STAT3: variants seen among roughly 807,000 people sequenced by gnomAD.
STAT3 encodes the protein DNA-binding protein APRF.
Under a neutral mutation model 114.3 loss-of-function variants are expected in STAT3, and 7 were observed. The ratio of observed to expected loss-of-function variants is 0.06; its 90% CI spans 0.03 to 0.11. STAT3 has a LOEUF of 0.11. Among genes scored for constraint, STAT3 ranks in the 10% least tolerant of loss-of-function variants. The probability of loss-of-function intolerance (pLI) is 1.00; values close to 1 mark genes in which losing one functional copy is unlikely to be tolerated. For synonymous variants in STAT3, 331 were observed against 354.5 expected (o/e 0.93, Z 0.74); for missense variants, 364 against 960.9 (o/e 0.38, Z 8.21).
At chr17:42,347,700 T>C in intron 2 of STAT3, among the ~76,000 whole-genome samples, 1 of 152,162 alleles carries the variant, frequency 6.6e-6, no homozygotes, top group East Asian at 1.9e-4. Context: ...TTTAATACCA[T>C]CCCTGTTGAT....
chr17:42,377,619 C>T (rs899088504), intron 1 of STAT3, among the ~76,000 whole-genome samples: 5 of 152,004 alleles, frequency 3.3e-5, no homozygotes, highest in Admixed American at 2.0e-4. Flanking sequence ...GGATAAGGTG[C>T]GGACTAACTT....
intron 1 of STAT3, among the ~76,000 whole-genome samples, chr17:42,386,109 G>A (rs534225890): frequency 9.2e-5 from 14 of 151,830 alleles, no homozygotes; most frequent in Middle Eastern, 3.4e-3. Flanking sequence ...GTAAAACCCC[G>A]GTCTCTACTA....
chr17:42,321,260 C>T (rs1043320886), intron 21 of STAT3, among the ~76,000 whole-genome samples: 2 of 151,360 alleles, frequency 1.3e-5, no homozygotes, highest in African/African-American at 4.9e-5. Context: ...GCTAGGACTA[C>T]AGGCACAAAC....
At position 42,337,590 on chromosome 17, in the gene STAT3, G is replaced by C; in HGVS notation, c.646-4C>G. ...CCGCCAGCTCACTCACGATGCTCTG[G>C]TTGGAAACCAAAACAAAGTCAGAAA... On this transcript the variant is annotated splice_region_variant and splice_polypyrimidine_tract_variant and intron_variant, in intron 7 of 23. Transcript: ENST00000264657. The surrounding 1 kb of genome is among the most constrained non-coding windows in gnomAD (Gnocchi z 4.0). The C allele has an allele frequency of 6.2e-7, 1 of 1,614,176 alleles. No homozygotes were observed. The highest frequency in any genetic ancestry group is 8.5e-7 in the Non-Finnish European group (1 of 1,180,044).
chr17:42,371,636 A>C (rs1212073218), intron 1 of STAT3, among the ~76,000 whole-genome samples: 1 of 147,396 alleles, frequency 6.8e-6, no homozygotes, highest in African/African-American at 2.5e-5. Flanking sequence ...AGATTGTGCC[A>C]CTGCACTCCA....
Position 42,329,460 on chromosome 17 carries a change from G to GT in STAT3, c.1234-4dup, listed in dbSNP as rs763332844. ...CCACATCTCTGCTCCCTCAGGGTCT[G>GT]TAAGAAAAGAAAAAGGCAGGTGTCC... is the stretch of plus-strand genomic sequence containing the variant. On this transcript the variant is annotated splice_polypyrimidine_tract_variant and splice_region_variant and intron_variant, in intron 13 of 23. Transcript: ENST00000264657. 40 of 1,614,066 alleles carry GT rather than the reference G, an allele frequency of 2.5e-5. No individual in the cohort carries two copies. The African/African-American group carries it at 4.5e-4, about 18-fold the overall frequency.
rs1365156562 is a variant in STAT3 at position 42,324,548 on chromosome 17, C to A, written c.1600+163G>T. ...CTGAAAACTGCAAACTGTCTCTGCA[C>A]CCCAACTCCCCAACTCCCCTGTTTC... On this transcript the variant is annotated intron_variant, in intron 17 of 23. Transcript: ENST00000264657. The surrounding 1 kb of genome is among the most constrained non-coding windows in gnomAD (Gnocchi z 4.5). Among the ~76,000 whole-genome samples, 2 of 152,066 alleles carry A rather than the reference C, an allele frequency of 1.3e-5. No individual in the cohort carries two copies. The highest frequency in any genetic ancestry group is 2.9e-5 in the Non-Finnish European group (2 of 68,012).
chr17:42,365,377 G>C (rs1381708967), intron 1 of STAT3, among the ~76,000 whole-genome samples: 1 of 152,166 alleles, frequency 6.6e-6, no homozygotes, highest in African/African-American at 2.4e-5. Context: ...CCAGCCGCTT[G>C]AGTTTTCTCA....
intron 11 of STAT3, among the ~76,000 whole-genome samples, chr17:42,330,607 T>C (rs1291458703): frequency 6.6e-6 from 1 of 151,546 alleles, no homozygotes; most frequent in East Asian, 1.9e-4. Flanking sequence ...TTTTTTGTAT[T>C]TTTAGTAGAG....
chr17:42,321,074 C>A (rs1230101092), intron 21 of STAT3, among the ~76,000 whole-genome samples: 2 of 151,424 alleles, frequency 1.3e-5, no homozygotes, highest in African/African-American at 4.9e-5. Context: ...GTGTGAACCC[C>A]CATGCCCAGC....
chr17:42,368,376 A>T (rs1350155130), intron 1 of STAT3, among the ~76,000 whole-genome samples: 3 of 152,226 alleles, frequency 2.0e-5, no homozygotes, highest in Non-Finnish European at 4.4e-5. Context: ...AGATCACACT[A>T]AATATTGATA....
chr17:42,343,981 T>C (rs1388735042), intron 4 of STAT3, among the ~76,000 whole-genome samples: 6 of 152,220 alleles, frequency 3.9e-5, no homozygotes, highest in African/African-American at 7.2e-5. Context: ...TCATTTCTTT[T>C]TCTTTTTGCA....
intron 1 of STAT3, among the ~76,000 whole-genome samples, chr17:42,369,410 G>A (rs1420125123): frequency 6.6e-6 from 1 of 152,000 alleles, no homozygotes; most frequent in Non-Finnish European, 1.5e-5. Context: ...TGTTTTTTAT[G>A]GCTGCATAGT....
At chr17:42,341,768 G>A (rs757157777) in intron 4 of STAT3, among the ~76,000 whole-genome samples, 24 of 151,918 alleles carry the variant, frequency 1.6e-4, no homozygotes, top group Non-Finnish European at 1.5e-4. Flanking sequence ...GGTTTCCTGG[G>A]TCATACAGTC....
At position 42,384,132 on chromosome 17, in the gene STAT3, A is replaced by ATTAT. The variant is rs1555581275; in HGVS notation, c.-24+4146_-24+4147insATAA. Reference sequence around the variant, plus strand: ...GTTTTATTTATTTATTTATTTATTTATTTTTTTTTTTTTTGAGACGGAGTC... The same window carrying ATTAT: ...GTTTTATTTATTTATTTATTTATTTATTATTTTTTTTTTTTTTTGAGACGGAGTC... On this transcript the variant is annotated intron_variant, in intron 1 of 23. Transcript: ENST00000264657. Among the ~76,000 whole-genome samples the ATTAT allele has an allele frequency of 1.7e-3, 229 of 134,970 alleles. 1 individual carries two copies. Among genetic ancestry groups the ATTAT allele is most frequent in the Middle Eastern group, 7.5e-3 (2 of 266 alleles). 88.5% of individuals were successfully genotyped at this position (134,970 alleles called of 152,430 possible). A position where few individuals can be genotyped will look rare whatever the true frequency, so the allele number is the denominator to read the frequency against.
At chr17:42,316,679 G>C in intron 23 of STAT3, 110 bp downstream of exon 23, 3 of 1,556,804 alleles carry the variant, frequency 1.9e-6, no homozygotes, top group Non-Finnish European at 2.6e-6. Flanking sequence ...CAAAGCTCTA[G>C]AATCTCCTAC....
intron 11 of STAT3, among the ~76,000 whole-genome samples, chr17:42,330,899 C>T: frequency 6.6e-6 from 1 of 152,150 alleles, no homozygotes; most frequent in East Asian, 1.9e-4. Flanking sequence ...ACGTTTCGGT[C>T]AACAACAAAA....
intron 11 of STAT3, among the ~76,000 whole-genome samples, chr17:42,330,340 T>C (rs1488370295): frequency 3.9e-5 from 6 of 152,076 alleles, no homozygotes; most frequent in Non-Finnish European, 8.8e-5. Flanking sequence ...GGTTTCGAAC[T>C]CTCGACCTCA....
At chr17:42,318,672 G>A (rs17879448) in intron 21 of STAT3, among the ~76,000 whole-genome samples, 378 of 152,266 alleles carry the variant, frequency 2.5e-3, no homozygotes, top group African/African-American at 8.4e-3. Context: ...CATGGGGCAG[G>A]GTGAGGTGGG....
Sources: gnomAD v4.1 joint callset for allele counts (sites outside exome capture counted in the v4.1 genomes callset) on GRCh38, gnomAD v4.1.1 for gene constraint, Gnocchi (gnomAD v3.1) non-coding constraint, MANE v1.5 for transcripts, NCBI Gene and HGNC (gene_info 2026-07-23, HGNC 2026-07-21) for gene names.